BDP1: variants seen among roughly 807,000 people sequenced by gnomAD.
BDP1 encodes transcription factor TFIIIB component B'' homolog.
Under a neutral mutation model 266.6 loss-of-function variants are expected in BDP1, and 169 were observed. The observed-to-expected ratio is 0.63, with a 90% CI of 0.56 to 0.72. The LOEUF is 0.72. Ranked by LOEUF, BDP1 falls within the 30% of genes least tolerant of loss-of-function variation. The pLI is 0.00. For missense variants in BDP1, 3,015 were observed against 3,053.8 expected (o/e 0.99, Z 0.30); for synonymous variants, 1,090 against 1,022.4 (o/e 1.07, Z -1.26).
At chr5:71,501,076 G>A (rs1458744731) in intron 13 of BDP1, among the ~76,000 whole-genome samples, 1 of 147,144 alleles carries the variant, frequency 6.8e-6, no homozygotes, top group Non-Finnish European at 1.5e-5. Context: ...TAGCCTGGGC[G>A]ACAGAGCATG....
chr5:71,544,383 A>G lies in BDP1; in HGVS notation c.6439A>G (p.Thr2147Ala), dbSNP rs1032533688. 1.2e-6 allele frequency: 2 copies of G among 1,609,690 alleles called. No homozygotes were observed. Among genetic ancestry groups the G allele is most frequent in the Admixed American group, 1.7e-5 (1 of 58,862 alleles). The change falls in exon 31 of 39, where the codon ACA becomes GCA. Residue 2147 changes from threonine (T) to alanine (A), a missense_variant. By Grantham distance (58) the Thr-to-Ala change is moderately conservative (BLOSUM62 0). Around this residue, in one of 3 missense-constraint regions of BDP1, gnomAD observed 629 missense variants for 632.5 expected, o/e 0.99. Transcript: ENST00000358731. ...RETEKNASKA[T>A]ELENKNLGPV... ...AACAGAGAAAAATGCTTCCAAAGCA[A>G]CAGAATTGGAAAATAAAAACCTCGG...
Position 71,541,564 on chromosome 5 carries a change from C to T in BDP1, c.6133C>T (p.Pro2045Ser), listed in dbSNP as rs773480851. 1 of 1,611,832 alleles carries T rather than the reference C, an allele frequency of 6.2e-7. No individual in the cohort carries two copies. The highest frequency in any genetic ancestry group is 8.5e-7 in the Non-Finnish European group (1 of 1,178,588). ...TCATGAATGTCAGGAACTTTCTTCA[C>T]CTGTCATTACTACATCTCCTGCATC... ...IVHECQELSS[P>S]VITTSPASFE... Residue 2045 changes from proline to serine, a missense_variant, in exon 29 of 39, where the codon CCT (proline) becomes TCT (serine). Pro to Ser is a moderately conservative substitution (Grantham distance 74). Transcript: ENST00000358731.
chr5:71,560,135 A>C lies in BDP1; in HGVS notation c.7394A>C (p.Gln2465Pro). ...CMDKNVPQLP[Q>P]DEMIVSDKEE... Reference sequence around the variant, plus strand: ...GACAAGAATGTGCCTCAGTTACCTCAGGATGAAATGATTGTGTCTGATAAG... The same window carrying C: ...GACAAGAATGTGCCTCAGTTACCTCCGGATGAAATGATTGTGTCTGATAAG... The change falls in exon 37 of 39, where the codon CAG (glutamine) becomes CCG (proline). Residue 2465 changes from glutamine to proline, a missense_variant. Around this residue, in one of 3 missense-constraint regions of BDP1, gnomAD observed 629 missense variants for 632.5 expected, o/e 0.99. Transcript: ENST00000358731. The C allele has an allele frequency of 6.2e-7, 1 of 1,614,180 alleles. No individual in the cohort carries two copies. The highest frequency in any genetic ancestry group is 8.5e-7 in the Non-Finnish European group (1 of 1,180,014).
At chr5:71,466,050 A>G (rs1459705052) in intron 4 of BDP1, 46 bp from the exon 5 acceptor site, 14 of 1,595,248 alleles carry the variant, frequency 8.8e-6, no homozygotes, top group Non-Finnish European at 1.2e-5. Context: ...CTATTTAGGC[A>G]CACTTTTCAT....
rs1766823633 is a variant in BDP1, at chr5:71,539,436, A to G, written c.5930-121A>G. On this transcript the variant is annotated intron_variant, in intron 27 of 38. Transcript: ENST00000358731. ...AAAAGACTACCTTAGTAAGGGATTA[A>G]TGGCTCAGAGGATATTGGAATCTGC... 12 of 685,904 alleles carry G rather than the reference A, an allele frequency of 1.7e-5. No homozygotes were observed. In the South Asian group the frequency reaches 1.9e-4, roughly 11 times the overall value. The allele number at this position is 685,904 out of a possible 1,614,324, so 42.5% of individuals were successfully genotyped here.
intron 10 of BDP1, among the ~76,000 whole-genome samples, chr5:71,490,690 A>G (rs1348177561): frequency 6.6e-6 from 1 of 152,214 alleles, no homozygotes; most frequent in Non-Finnish European, 1.5e-5. Context: ...GGAGCAAAAG[A>G]ATAGTTAAGT....
At chr5:71,575,166 C>A in the BDP1 span, among the ~76,000 whole-genome samples, 1 of 152,082 alleles carries the variant, frequency 6.6e-6, no homozygotes, top group African/African-American at 2.4e-5. Context: ...ACTTTGATAA[C>A]CCAGGATTTA....
At chr5:71,546,417 A>G (rs1031941081) in intron 32 of BDP1, among the ~76,000 whole-genome samples, 2 of 151,914 alleles carry the variant, frequency 1.3e-5, no homozygotes, top group Non-Finnish European at 1.5e-5. Context: ...TCAGGAGTTC[A>G]AGAACAGCCT....
chr5:71,549,733 T>A, intron 34 of BDP1, 127 bp downstream of exon 34: 1 of 741,520 alleles, frequency 1.3e-6, no homozygotes, highest in Non-Finnish European at 2.0e-6. Flanking sequence ...ATCATTTATG[T>A]GGTAAGTTAG....
In BDP1 at chr5:71,489,485, A is replaced by G. The variant is rs1305299289; in HGVS notation, c.1295A>G (p.Gln432Arg). 3 of 1,612,976 alleles carry G rather than the reference A, an allele frequency of 1.9e-6. No homozygotes were observed. The highest frequency in any genetic ancestry group is 3.3e-5 in the Admixed American group (2 of 60,018). ...SSRISDTERSQKDAQTVEEES... is the reference protein window; with the variant it reads ...SSRISDTERSRKDAQTVEEES... ...AGAATTTCAGACACGGAAAGATCTC[A>G]GAAGGATGCTCAGACAGTTGAAGAA... Residue 432 changes from glutamine (Q) to arginine (R), a missense_variant, in exon 10 of 39, where the codon CAG (glutamine) becomes CGG (arginine). Physicochemically the swap from Gln to Arg is conservative, Grantham distance 43. Coordinates refer to ENST00000358731, the MANE Select transcript of BDP1 (RefSeq NM_018429.3).
Position 71,509,626 on chromosome 5 carries a change from C to T in BDP1, c.2534C>T (p.Ala845Val). 1 of 1,613,418 alleles carries T rather than the reference C, an allele frequency of 6.2e-7. No individual in the cohort carries two copies. The highest frequency in any genetic ancestry group is 2.2e-5 in the East Asian group (1 of 44,872). The part of the protein sequence containing the change: ...EKILVSGEMA[A>V]ALRETVRLDT... ...ATTCTTGTCTCTGGGGAAATGGCGG[C>T]AGCATTGAGAGAAACTGTAAGACTA... The change falls in exon 17 of 39, where the codon GCA becomes GTA. Residue 845 changes from alanine to valine, a missense_variant. This residue lies in a region of BDP1 where 2,383 missense variants were observed against 2,404.9 expected (regional missense o/e 0.99). Coordinates refer to ENST00000358731, the MANE Select transcript of BDP1 (RefSeq NM_018429.3).
intron 25 of BDP1, among the ~76,000 whole-genome samples, chr5:71,525,999 C>T (rs1048037734): frequency 1.3e-5 from 2 of 151,886 alleles, no homozygotes; most frequent in Non-Finnish European, 2.9e-5. Context: ...AGACGATGGG[C>T]GGCCAGGCAG....
At position 71,556,891 on chromosome 5, in the gene BDP1, C is replaced by A; in HGVS notation, c.7206C>A (p.His2402Gln). The A allele has an allele frequency of 1.4e-6, 2 of 1,432,582 alleles. No homozygotes were observed. Among genetic ancestry groups the A allele is most frequent in the Non-Finnish European group, 1.9e-6 (2 of 1,071,266 alleles). 88.7% of individuals were successfully genotyped at this position (1,432,582 alleles called of 1,614,324 possible). A position where few individuals can be genotyped will look rare whatever the true frequency, so the allele number is the denominator to read the frequency against. Residue 2402 changes from histidine (H) to glutamine (Q), a missense_variant, in exon 36 of 39, where the codon CAC becomes CAA. Physicochemically the swap from His to Gln is conservative, Grantham distance 24. Coordinates refer to ENST00000358731, the MANE Select transcript of BDP1 (RefSeq NM_018429.3). ...TTTAAATTTTCTTAAAATAGGTGCACTCAAAGGAATTAACAAATGTTTTTG... is the reference window on the plus strand; with the variant it reads ...TTTAAATTTTCTTAAAATAGGTGCAATCAAAGGAATTAACAAATGTTTTTG... Reference protein sequence around the residue: ...DDCQEYTTEVHSKELTNVFEE... With the variant: ...DDCQEYTTEVQSKELTNVFEE...
Position 71,502,607 on chromosome 5 carries a change from A to G in BDP1, c.2057A>G (p.Glu686Gly), listed in dbSNP as rs190211776. The change falls in exon 15 of 39, where the codon GAA (glutamate) becomes GGA (glycine). Residue 686 changes from glutamate (E) to glycine (G), a missense_variant. Glu to Gly is a moderately conservative substitution (Grantham distance 98). Around this residue, in one of 3 missense-constraint regions of BDP1, gnomAD observed 2,383 missense variants for 2,404.9 expected, o/e 0.99. Coordinates refer to ENST00000358731, the MANE Select transcript of BDP1 (RefSeq NM_018429.3). Reference protein sequence around the residue: ...PEAETVSVLGEKNCLQEGSQL... With the variant: ...PEAETVSVLGGKNCLQEGSQL... ...TTTCTTTGTGGTTCTAGTTTGGGTG[A>G]AAAAAATTGTCTGCAGGAAGGGAGT... 1.7e-5 allele frequency: 27 copies of G among 1,585,302 alleles called. No individual in the cohort carries two copies. The Admixed American group carries it at 4.9e-4, about 29-fold the overall frequency.
rs180779950 is a variant in BDP1, at chr5:71,512,255, A to G, written c.4074A>G (p.Glu1358=). Residue 1358 remains glutamate (E), a synonymous_variant, in exon 18 of 39, where the codon GAA becomes GAG. Transcript: ENST00000358731. ...TGTTCCTCTAGAACATTAGCAGTGAAGTACTGTCGATGATGCATACACCTG... is the reference window on the plus strand; with the variant it reads ...TGTTCCTCTAGAACATTAGCAGTGAGGTACTGTCGATGATGCATACACCTG... The part of the protein sequence containing the change: ...PSLDIQNISS[E]VLSMMHTPVE... 1.3e-6 allele frequency: 2 copies of G among 1,513,496 alleles called. No individual in the cohort carries two copies. Among genetic ancestry groups the G allele is most frequent in the Non-Finnish European group, 1.8e-6 (2 of 1,136,304 alleles). 93.8% of individuals were successfully genotyped at this position (1,513,496 alleles called of 1,614,324 possible).
Position 71,509,449 on chromosome 5 carries a change from C to CTT in BDP1, c.2373-16_2373-15insTT. ...TGGTTTAAAACTTGATTGTGTGCCC[C>CTT]CTTTTTTTTTTATAGCGTTCAAGAG... On this transcript the variant is annotated splice_polypyrimidine_tract_variant and intron_variant, in intron 16 of 38. Transcript: ENST00000358731. 4.8e-6 allele frequency: 7 copies of CTT among 1,469,784 alleles called. No individual in the cohort carries two copies. Among genetic ancestry groups the CTT allele is most frequent in the South Asian group, 1.5e-5 (1 of 68,514 alleles). 91.0% of individuals were successfully genotyped at this position (1,469,784 alleles called of 1,614,324 possible). A position where few individuals can be genotyped will look rare whatever the true frequency, so the allele number is the denominator to read the frequency against.
chr5:71,525,585 G>T (rs1184817728), intron 25 of BDP1, among the ~76,000 whole-genome samples: 4 of 84,324 alleles, frequency 4.7e-5, no homozygotes, highest in African/African-American at 1.7e-4. Context: ...GGCCGGGCGG[G>T]GGGCTGACCC....
chr5:71,553,167 T>C lies in BDP1; in HGVS notation c.7047T>C (p.Ile2349=). 6.2e-7 allele frequency: 1 copy of C among 1,613,284 alleles called. No homozygotes were observed. Among genetic ancestry groups the C allele is most frequent in the Non-Finnish European group, 8.5e-7 (1 of 1,179,958 alleles). ...GTCAAGATGCCATGGGTTTATCTAT[T>C]TCTGGAAGAGATAATTCTAAAAAGC... The part of the protein sequence containing the change: ...SVGQDAMGLS[I]SGRDNSKKPP... Residue 2349 remains isoleucine, a synonymous_variant, in exon 35 of 39, where the codon ATT becomes ATC. Coordinates refer to ENST00000358731, the MANE Select transcript of BDP1 (RefSeq NM_018429.3).
At chr5:71,482,926 T>C (rs1179015270) in intron 7 of BDP1, among the ~76,000 whole-genome samples, 1 of 152,032 alleles carries the variant, frequency 6.6e-6, no homozygotes, top group African/African-American at 2.4e-5. Context: ...TCATATCAGG[T>C]TTTAAAAATA....
Sources: allele counts gnomAD v4.1 joint callset (sites outside exome capture counted in the v4.1 genomes callset), GRCh38; gene constraint gnomAD v4.1.1; regional missense constraint gnomAD v4.1.1; transcripts MANE v1.5; gene names NCBI Gene and HGNC (gene_info 2026-07-23, HGNC 2026-07-21).